Variants in DDIAS observed in about 807,000 individuals in gnomAD.
DDIAS encodes DNA damage-induced apoptosis suppressor protein.
A neutral mutation model predicts 15.7 loss-of-function variants in DDIAS; 14 were observed. That is an observed-to-expected ratio of 0.89 (90% CI 0.59 to 1.39). DDIAS has a LOEUF of 1.39. Among genes scored for constraint, DDIAS ranks in the 40% most tolerant of loss-of-function variants. The probability of loss-of-function intolerance (pLI) is 0.00; values close to 1 mark genes in which losing one functional copy is unlikely to be tolerated. For missense variants in DDIAS, 1,035 were observed against 1,130.9 expected, an observed-to-expected ratio of 0.92 and a Z score of 1.22; for synonymous variants, 355 against 395.9, an observed-to-expected ratio of 0.90 and a Z score of 1.23.
chr11:82,912,319 TCAA>T lies in DDIAS; in HGVS notation c.-116-966_-116-964del, dbSNP rs201533572. Among the ~76,000 whole-genome samples the T allele has an allele frequency of 9.2e-3, 1,398 of 152,360 alleles. 14 individuals carry two copies. The highest frequency in any genetic ancestry group is 0.024 in the Middle Eastern group (7 of 294). On this transcript the variant is annotated intron_variant, in intron 1 of 5. Coordinates refer to ENST00000533655, the MANE Select transcript of DDIAS (RefSeq NM_145018.4). ...CTGTTGTTTAGTGTAGCCACCATCA[TCAA>T]CTAGTTAAGATCTACTTATCTTAAC...
At chr11:82,913,155 A>G (rs140276053) in intron 1 of DDIAS, 132 bp from the exon 2 acceptor site, 92 of 152,354 alleles carry the variant, frequency 6.0e-4, no homozygotes, top group African/African-American at 2.1e-3. Context: ...TGCTTGAGAC[A>G]GGGTTGCTAT....
At chr11:82,918,167 T>C (rs777720378) in intron 3 of DDIAS, among the ~76,000 whole-genome samples, 20 of 152,162 alleles carry the variant, frequency 1.3e-4, no homozygotes, top group Non-Finnish European at 2.6e-4. Flanking sequence ...TTTTATTGCA[T>C]TTGCTTTTGG....
intron 3 of DDIAS, among the ~76,000 whole-genome samples, chr11:82,917,267 A>C (rs189818964): frequency 8.6e-4 from 131 of 152,104 alleles, no homozygotes; most frequent in Admixed American, 1.9e-3. Flanking sequence ...TATACACTGC[A>C]CCCTATTTGT....
At chr11:82,924,361 G>A (rs1206818076) in intron 3 of DDIAS, among the ~76,000 whole-genome samples, 2 of 152,220 alleles carry the variant, frequency 1.3e-5, no homozygotes, top group Non-Finnish European at 2.9e-5. Context: ...CAGTCCCTAA[G>A]ATATGTAGAA....
chr11:82,914,068 C>G (rs1409663039), intron 2 of DDIAS: 1 of 340,510 alleles, frequency 2.9e-6, no homozygotes. Context: ...TCCTGAGTAG[C>G]TGGGATTACA....
intron 1 of DDIAS, among the ~76,000 whole-genome samples, chr11:82,906,906 C>T (rs1336132987): frequency 6.6e-6 from 1 of 152,122 alleles, no homozygotes; most frequent in Non-Finnish European, 1.5e-5. Context: ...AAATGCAAAT[C>T]ATGAAGATTA....
intron 5 of DDIAS, 79 bp downstream of exon 5, chr11:82,930,353 G>T (rs893031950): frequency 5.5e-6 from 6 of 1,096,646 alleles, no homozygotes; most frequent in Non-Finnish European, 6.7e-6. Context: ...CTAAATAGTT[G>T]TTAGGAGTTC....
At chr11:82,930,587 C>G (rs1045899802) in intron 5 of DDIAS, among the ~76,000 whole-genome samples, 12 of 152,006 alleles carry the variant, frequency 7.9e-5, no homozygotes, top group African/African-American at 2.9e-4. Flanking sequence ...TGTTCAAATT[C>G]TATAGTAAAA....
At chr11:82,929,065 A>G (rs1860930225) in intron 4 of DDIAS, 127 bp downstream of exon 4, 1 of 1,028,778 alleles carries the variant, frequency 9.7e-7, no homozygotes, top group Admixed American at 2.9e-5. Flanking sequence ...CCTTTAAAAG[A>G]CAAGCAAGTA....
In DDIAS at chr11:82,934,272, A is replaced by T; in HGVS notation, c.2934A>T (p.Ser978=). The T allele has an allele frequency of 6.2e-7, 1 of 1,613,088 alleles. No individual in the cohort carries two copies. The highest frequency in any genetic ancestry group is 8.5e-7 in the Non-Finnish European group (1 of 1,179,740). ...CSEVKCCLPF[S]EKGPPSVCET... ...AAGTCAAATGTTGCCTTCCATTTTC[A>T]GAAAAAGGCCCACCTTCAGTGTGTG... Residue 978 remains serine, a synonymous_variant, in exon 6 of 6, where the codon TCA becomes TCT. Coordinates refer to ENST00000533655, the MANE Select transcript of DDIAS (RefSeq NM_145018.4).
At chr11:82,922,599 C>T (rs1860775941) in intron 3 of DDIAS, 2 of 152,078 alleles carry the variant, frequency 1.3e-5, no homozygotes, top group African/African-American at 4.8e-5. Context: ...TTGAATGTTT[C>T]TCCCTTCACT....
In DDIAS at chr11:82,933,831, C is replaced by T; in HGVS notation, c.2493C>T (p.Ser831=). 6.2e-7 allele frequency: 1 copy of T among 1,613,844 alleles called. No individual in the cohort carries two copies. The highest frequency in any genetic ancestry group is 8.5e-7 in the Non-Finnish European group (1 of 1,179,964). ...PSCPKNIKTP[S]QKIRSPIVSG... is the part of the protein sequence containing the mutation. ...GTCCAAAAAATATAAAAACACCTAG[C>T]CAGAAAATCAGAAGCCCTATTGTAT... The change falls in exon 6 of 6, where the codon AGC becomes AGT. Residue 831 remains serine (S), a synonymous_variant. Transcript: ENST00000533655.
At chr11:82,929,077 G>A in intron 4 of DDIAS, 139 bp downstream of exon 4, 4 of 928,752 alleles carry the variant, frequency 4.3e-6, no homozygotes, top group East Asian at 5.4e-5. Flanking sequence ...AAGCAAGTAA[G>A]AAAGATGTTT....
In DDIAS at chr11:82,930,249, G is replaced by A. The variant is rs769056098; in HGVS notation, c.368G>A (p.Gly123Glu). The change falls in exon 5 of 6, where the codon GGA (glycine) becomes GAA (glutamate). Residue 123 changes from glycine (G) to glutamate (E), a missense_variant. Gly to Glu is a moderately conservative substitution (Grantham distance 98, BLOSUM62 -2). Coordinates refer to ENST00000533655, the MANE Select transcript of DDIAS (RefSeq NM_145018.4). Reference sequence around the variant, plus strand: ...AAAGCAGTTGAAACTTGCTTTGTTGGACAAAGCTTTATTTTTGGAGTGACG... The same window carrying A: ...AAAGCAGTTGAAACTTGCTTTGTTGAACAAAGCTTTATTTTTGGAGTGACG... ...LTKAVETCFV[G>E]QSFIFGVTNF... The A allele has an allele frequency of 3.8e-6, 6 of 1,586,748 alleles. No individual in the cohort carries two copies. The highest frequency in any genetic ancestry group is 1.7e-4 in the Middle Eastern group (1 of 5,922).
In DDIAS at chr11:82,933,933, C is replaced by G. The variant is rs372253203; in HGVS notation, c.2595C>G (p.Val865=). Residue 865 remains valine (V), a synonymous_variant, in exon 6 of 6, where the codon GTC becomes GTG. Coordinates refer to ENST00000533655, the MANE Select transcript of DDIAS (RefSeq NM_145018.4). Reference sequence around the variant, plus strand: ...ATGAAACTGATAGTGATGAATGGGTCCCTCCTACCACACAAAAAATATTTC... The same window carrying G: ...ATGAAACTGATAGTGATGAATGGGTGCCTCCTACCACACAAAAAATATTTC... ...ECHETDSDEW[V]PPTTQKIFPS... is the part of the protein sequence containing the mutation. 13 of 1,613,014 alleles carry G rather than the reference C, an allele frequency of 8.1e-6. No homozygotes were observed. The highest frequency in any genetic ancestry group is 1.1e-5 in the Non-Finnish European group (13 of 1,179,782).
intron 1 of DDIAS, among the ~76,000 whole-genome samples, chr11:82,907,910 G>C (rs1860463177): frequency 6.6e-6 from 1 of 152,184 alleles, no homozygotes; most frequent in Non-Finnish European, 1.5e-5. Flanking sequence ...GGTTACAGTA[G>C]AGAACAGGGT....
chr11:82,915,921 C>T (rs773045262), intron 3 of DDIAS, among the ~76,000 whole-genome samples: 32 of 152,104 alleles, frequency 2.1e-4, no homozygotes, highest in East Asian at 3.8e-4. Context: ...CGCAACTTTA[C>T]GCAAAATGAT....
chr11:82,924,402 G>T (rs1168249788), intron 3 of DDIAS, among the ~76,000 whole-genome samples: 1 of 152,188 alleles, frequency 6.6e-6, no homozygotes, highest in Non-Finnish European at 1.5e-5. Context: ...TTTGTGGGGA[G>T]AGAGTGAGTC....
chr11:82,921,571 C>CTT (rs968751055), intron 3 of DDIAS, among the ~76,000 whole-genome samples: 1,382 of 78,066 alleles, frequency 0.018, 11 homozygotes, highest in Non-Finnish European at 0.024. Context: ...TTCTTTCTTT[C>CTT]TTTTTTTTTT....
Sources: allele counts gnomAD v4.1 joint callset (sites outside exome capture counted in the v4.1 genomes callset), GRCh38; gene constraint gnomAD v4.1.1; transcripts MANE v1.5; gene names NCBI Gene and HGNC (gene_info 2026-07-23, HGNC 2026-07-21).